The following ANO1 variants were observed in gnomAD, a reference collection of about 807,000 sequenced individuals.
ANO1 encodes anoctamin-1.
A neutral mutation model predicts 124.0 loss-of-function variants in ANO1; 59 were observed. The ratio of observed to expected loss-of-function variants is 0.48; its 90% CI spans 0.39 to 0.59. The LOEUF is 0.59. ANO1 is among the 20% of genes least tolerant of loss of function. The probability of loss-of-function intolerance (pLI) is 0.00; values close to 1 mark genes in which losing one functional copy is unlikely to be tolerated. For missense variants in ANO1, 1,059 were observed against 1,328.0 expected (o/e 0.80, Z 3.15); for synonymous variants, 529 against 532.0 (o/e 0.99, Z 0.08).
chr11:69,992,910 C>T (rs11822189), intron 1 of ANO1, among the ~76,000 whole-genome samples: 9,884 of 152,284 alleles, frequency 0.065, 557 homozygotes, highest in African/African-American at 0.15. Context: ...ACAATGGTCA[C>T]ATGGCCATTA....
At chr11:70,093,770 GA>G (rs1477602659) in intron 2 of ANO1, among the ~76,000 whole-genome samples, 1 of 152,224 alleles carries the variant, frequency 6.6e-6, no homozygotes, top group African/African-American at 2.4e-5. Context: ...TGCTGCTTTT[GA>G]AAAGCAAGTG....
intron 2 of ANO1, among the ~76,000 whole-genome samples, chr11:70,089,330 G>A (rs1487335295): frequency 2.6e-5 from 4 of 152,216 alleles, no homozygotes; most frequent in African/African-American, 4.8e-5. Context: ...GTCCTTAAAT[G>A]CTTTTGGTCC....
At chr11:70,114,094 A>G (rs2045889623) in intron 7 of ANO1, among the ~76,000 whole-genome samples, 1 of 152,214 alleles carries the variant, frequency 6.6e-6, no homozygotes, top group African/African-American at 2.4e-5. Flanking sequence ...CCTCACAAGA[A>G]GCATCTCCAA....
chr11:70,112,553 C>CTTT (rs11357130), intron 7 of ANO1, among the ~76,000 whole-genome samples: 2 of 136,834 alleles, frequency 1.5e-5, no homozygotes, highest in Non-Finnish European at 3.1e-5. Context: ...CTTTTCTTTT[C>CTTT]TTTTTTTTTT....
intron 1 of ANO1, among the ~76,000 whole-genome samples, chr11:70,015,469 A>G (rs555535164): frequency 6.6e-5 from 10 of 152,158 alleles, no homozygotes; most frequent in African/African-American, 2.4e-4. Context: ...TCACTCACTG[A>G]CCCGGAGGCA....
At chr11:70,179,370 T>G (rs1341630252) in intron 22 of ANO1, among the ~76,000 whole-genome samples, 1 of 152,198 alleles carries the variant, frequency 6.6e-6, no homozygotes, top group African/African-American at 2.4e-5. Flanking sequence ...GAGGGCCTCC[T>G]TCCTGGGCCC....
intron 1 of ANO1, among the ~76,000 whole-genome samples, chr11:70,019,249 A>ACACACACACATT (rs1856757974): frequency 8.1e-6 from 1 of 122,814 alleles, no homozygotes; most frequent in Non-Finnish European, 1.7e-5. Context: ...CCCCCCACAC[A>ACACACACACATT]CACACACACA....
intron 2 of ANO1, among the ~76,000 whole-genome samples, chr11:70,089,228 C>T (rs888910456): frequency 1.3e-5 from 2 of 152,182 alleles, no homozygotes; most frequent in African/African-American, 4.8e-5. Context: ...AAAAAGTTGT[C>T]GGCAGGTTAA....
At chr11:70,085,494 A>T (rs2044336548) in intron 1 of ANO1, 2 of 1,536,056 alleles carry the variant, frequency 1.3e-6, no homozygotes, top group Non-Finnish European at 1.7e-6. Flanking sequence ...TCAGTTGCTT[A>T]GTTTCAGCCT....
rs771091838 is a variant in ANO1, at chr11:70,188,022, G to A, written c.*18G>A. Reference sequence around the variant, plus strand: ...TCCTGTAGCTATGCCAGCGGGGCTGGGCAGGCCAGCCGGGCATCCTGACCG... The same window carrying A: ...TCCTGTAGCTATGCCAGCGGGGCTGAGCAGGCCAGCCGGGCATCCTGACCG... On this transcript the variant is annotated 3_prime_UTR_variant, in exon 26 of 26. Coordinates refer to ENST00000355303, the MANE Select transcript of ANO1 (RefSeq NM_018043.7). 1.3e-6 allele frequency: 2 copies of A among 1,547,906 alleles called. No homozygotes were observed. Among genetic ancestry groups the A allele is most frequent in the South Asian group, 1.2e-5 (1 of 84,166 alleles).
the ANO1 span, among the ~76,000 whole-genome samples, chr11:69,969,265 G>C: frequency 2.0e-5 from 3 of 152,272 alleles, no homozygotes; most frequent in South Asian, 2.1e-4. Flanking sequence ...TCGGAGCCAT[G>C]GGTAGCCTTC....
chr11:70,167,487 C>A, intron 21 of ANO1, 100 bp downstream of exon 21: 1 of 1,446,168 alleles, frequency 6.9e-7, no homozygotes, highest in Non-Finnish European at 9.2e-7. Context: ...GCCCCCAACC[C>A]TGCGGTGCCC....
At chr11:70,045,865 G>A (rs1001213688) in intron 1 of ANO1, among the ~76,000 whole-genome samples, 4 of 152,196 alleles carry the variant, frequency 2.6e-5, no homozygotes, top group South Asian at 2.1e-4. Context: ...AAGATGGTGA[G>A]GGTTTTGTTC....
chr11:70,033,847 G>A lies in ANO1; in HGVS notation c.59-44695G>A, dbSNP rs529384382. Among the ~76,000 whole-genome samples the A allele has an allele frequency of 9.8e-5, 15 of 152,292 alleles. No homozygotes were observed. The South Asian group carries it at 2.9e-3, about 29-fold the overall frequency. On this transcript the variant is annotated intron_variant, in intron 1 of 27. Coordinates refer to the ANO1 transcript ENST00000531349. ...ATACAGGTTCGCTTCGTGGGTATGT[G>A]ACCTGTACAGTTGTATAGTTGTATG...
intron 1 of ANO1, among the ~76,000 whole-genome samples, chr11:70,043,804 C>A (rs190958401): frequency 6.6e-6 from 1 of 151,946 alleles, no homozygotes; most frequent in African/African-American, 2.4e-5. Context: ...CAGACCTATA[C>A]CACAACAAAT....
chr11:70,118,247 T>A (rs572821410), intron 8 of ANO1, among the ~76,000 whole-genome samples: 1 of 151,234 alleles, frequency 6.6e-6, no homozygotes, highest in South Asian at 2.1e-4. Flanking sequence ...GCTTTTCTAG[T>A]CTCAGGATTG....
intron 1 of ANO1, among the ~76,000 whole-genome samples, chr11:69,995,093 GTTTTTTTTTTTTTT>G (rs1278482378): frequency 4.6e-5 from 1 of 21,644 alleles, no homozygotes; most frequent in African/African-American, 9.1e-5. Flanking sequence ...TGCTGGCACT[GTTTTTTTTTTTTTT>G]TTTTTTTTTT....
At chr11:70,128,640 G>A (rs574049865) in intron 10 of ANO1, among the ~76,000 whole-genome samples, 9 of 152,326 alleles carry the variant, frequency 5.9e-5, no homozygotes, top group Admixed American at 3.3e-4. Flanking sequence ...CGGGAGGTGC[G>A]TGCTCCCTGC....
chr11:70,085,812 C>G, intron 1 of ANO1: 1 of 1,080,628 alleles, frequency 9.3e-7, no homozygotes, highest in African/African-American at 1.6e-5. Flanking sequence ...GGGCTCCACC[C>G]TCCGGCTTCC....
Sources: gnomAD v4.1 joint callset for allele counts (sites outside exome capture counted in the v4.1 genomes callset) on GRCh38, gnomAD v4.1.1 for gene constraint, MANE v1.5 for transcripts, NCBI Gene and HGNC (gene_info 2026-07-23, HGNC 2026-07-21) for gene names.